Variants in LIN9 observed in about 807,000 individuals in gnomAD.
LIN9 encodes the protein lin-9 DREAM MuvB core complex component.
Under a neutral mutation model 78.0 loss-of-function variants are expected in LIN9, and 18 were observed. The ratio of observed to expected loss-of-function variants is 0.23; its 90% CI spans 0.16 to 0.34. The LOEUF is 0.34. Among genes scored for constraint, LIN9 ranks in the 10% least tolerant of loss-of-function variants. LIN9 has a pLI of 1.00. For missense variants in LIN9, 451 were observed against 644.1 expected, an observed-to-expected ratio of 0.70 and a Z score of 3.25; for synonymous variants, 192 against 215.2, an observed-to-expected ratio of 0.89 and a Z score of 0.94.
At chr1:226,251,364 A>G (rs1658825850) in intron 10 of LIN9, among the ~76,000 whole-genome samples, 1 of 152,002 alleles carries the variant, frequency 6.6e-6, no homozygotes, top group Non-Finnish European at 1.5e-5. Context: ...AGTAGCTGGG[A>G]TTACAGGCAC....
intron 6 of LIN9, among the ~76,000 whole-genome samples, chr1:226,284,000 CTCTTA>C (rs1017406141): frequency 7.2e-5 from 11 of 151,986 alleles, no homozygotes; most frequent in African/African-American, 2.4e-4. Context: ...AAGTAAAACT[CTCTTA>C]TGTTTTCCTC....
chr1:226,254,836 G>A (rs112622722), intron 10 of LIN9, among the ~76,000 whole-genome samples: 4,434 of 151,068 alleles, frequency 0.029, 203 homozygotes, highest in African/African-American at 0.1. Flanking sequence ...GCGTGAACCC[G>A]GAAGGCGGAG....
At chr1:226,242,947 A>G (rs1268308571) in intron 11 of LIN9, among the ~76,000 whole-genome samples, 1 of 152,242 alleles carries the variant, frequency 6.6e-6, no homozygotes, top group Non-Finnish European at 1.5e-5. Flanking sequence ...ATGTAAGGAT[A>G]CAGTATATAA....
chr1:226,268,066 C>T lies in LIN9; in HGVS notation c.707G>A (p.Gly236Asp). ...AGCATCTATTTGTCCAGTGAACAAACCATCATGAACACCACGTAATCGTGC... is the reference window on the plus strand; with the variant it reads ...AGCATCTATTTGTCCAGTGAACAAATCATCATGAACACCACGTAATCGTGC... ...VTARLRGVHD[G>D]LFTGQIDAVD... Residue 236 changes from glycine to aspartate, a missense_variant, in exon 8 of 15, where the codon GGT becomes GAT. Physicochemically the swap from Gly to Asp is moderately conservative, Grantham distance 94. Transcript: ENST00000681046. The T allele has an allele frequency of 6.2e-7, 1 of 1,613,818 alleles. No individual in the cohort carries two copies. Among genetic ancestry groups the T allele is most frequent in the Admixed American group, 1.7e-5 (1 of 59,968 alleles).
rs201608238 is a variant in LIN9, at chr1:226,291,544, CTA to C, written c.265-3749_265-3748del. Among the ~76,000 whole-genome samples, 446 of 152,076 alleles carry C rather than the reference CTA, an allele frequency of 2.9e-3. 3 individuals carry two copies. The highest frequency in any genetic ancestry group is 0.01 in the African/African-American group (431 of 41,514). ...AAAAGGTTTCATAAGGATAATCAAA[CTA>C]ATTATAGTGGCTGCCACTGTATGAG... On this transcript the variant is annotated intron_variant, in intron 4 of 14. Transcript: ENST00000681046.
intron 11 of LIN9, among the ~76,000 whole-genome samples, chr1:226,243,695 CAAAA>C (rs532381607): frequency 8.5e-5 from 3 of 35,404 alleles, no homozygotes; most frequent in Non-Finnish European, 1.8e-4. Context: ...GACTCCGTCT[CAAAA>C]AAAAAAAAAA....
chr1:226,282,380 T>C (rs1248623539), intron 6 of LIN9, among the ~76,000 whole-genome samples: 1 of 152,220 alleles, frequency 6.6e-6, no homozygotes, highest in Non-Finnish European at 1.5e-5. Flanking sequence ...AATGGAAATT[T>C]GTAAATTTTA....
At chr1:226,290,677 A>G (rs1661722386) in intron 4 of LIN9, among the ~76,000 whole-genome samples, 1 of 151,970 alleles carries the variant, frequency 6.6e-6, no homozygotes, top group Non-Finnish European at 1.5e-5. Context: ...AAAAATCTAG[A>G]TGGTTGGTTC....
chr1:226,244,226 T>C (rs1184992828), intron 11 of LIN9, among the ~76,000 whole-genome samples: 1 of 146,046 alleles, frequency 6.8e-6, no homozygotes, highest in Non-Finnish European at 1.5e-5. Context: ...AGGCCAGGAG[T>C]TAAAGACTAG....
chr1:226,266,619 A>G (rs1659930367), intron 8 of LIN9, among the ~76,000 whole-genome samples: 1 of 152,056 alleles, frequency 6.6e-6, no homozygotes, highest in Non-Finnish European at 1.5e-5. Flanking sequence ...AGTTCAGAGA[A>G]TCAAAGATTA....
At chr1:226,266,467 T>A in intron 8 of LIN9, 135 bp from the exon 9 acceptor site, 1 of 547,708 alleles carries the variant, frequency 1.8e-6, no homozygotes, top group Non-Finnish European at 2.8e-6. Context: ...CTTATATATT[T>A]AATTATTTAT....
intron 12 of LIN9, among the ~76,000 whole-genome samples, chr1:226,236,930 T>A (rs866828815): frequency 2.0e-5 from 3 of 152,236 alleles, no homozygotes; most frequent in Non-Finnish European, 4.4e-5. Flanking sequence ...TTTCTGGCTA[T>A]AAGGAACAGT....
chr1:226,277,490 G>GA (rs145346465), intron 7 of LIN9, among the ~76,000 whole-genome samples: 10 of 152,272 alleles, frequency 6.6e-5, no homozygotes, highest in Non-Finnish European at 1.3e-4. Flanking sequence ...TACACCTTCA[G>GA]AATTTTGTCC....
intron 11 of LIN9, among the ~76,000 whole-genome samples, chr1:226,245,049 T>C (rs1045978292): frequency 3.3e-5 from 5 of 152,150 alleles, no homozygotes; most frequent in Admixed American, 6.5e-5. Flanking sequence ...TAAATCTTGA[T>C]AGATATTGCC....
intron 10 of LIN9, among the ~76,000 whole-genome samples, chr1:226,261,726 AG>A (rs1357205191): frequency 2.0e-5 from 3 of 152,232 alleles, no homozygotes; most frequent in African/African-American, 7.2e-5. Flanking sequence ...ATTCAATACA[AG>A]TCAAAATCCC....
chr1:226,295,484 AT>A lies in LIN9; in HGVS notation c.264+357del, dbSNP rs1011656605. The stretch of plus-strand genomic sequence containing the variant: ...TATATAAATAAACATATATATATAT[AT>A]TTTTTTCCTCTCTTGGATAAAGGAA... On this transcript the variant is annotated intron_variant, in intron 4 of 14. Coordinates refer to ENST00000681046, the MANE Select transcript of LIN9 (RefSeq NM_001366245.2). Among the ~76,000 whole-genome samples the A allele has an allele frequency of 4.0e-5, 6 of 150,756 alleles. No individual in the cohort carries two copies. In the South Asian group the frequency reaches 1.0e-3, roughly 26 times the overall value.
At chr1:226,304,100 T>C (rs983361269) in intron 1 of LIN9, among the ~76,000 whole-genome samples, 1 of 152,242 alleles carries the variant, frequency 6.6e-6, no homozygotes, top group East Asian at 1.9e-4. Context: ...TAAAAGTGCA[T>C]AGAACAATGC....
Position 226,277,824 on chromosome 1 carries a change from A to C in LIN9, c.633T>G (p.Asp211Glu). The change falls in exon 7 of 15, where the codon GAT (aspartate) becomes GAG (glutamate). Residue 211 changes from aspartate to glutamate, a missense_variant. Transcript: ENST00000681046. ...GAGGCAAAGGAATTTCATCTGGGAG[A>C]TCTTTGAATTGTGAAACATCTGCAA... ...RKVADVSQFK[D>E]LPDEIPLPLV... 1.2e-6 allele frequency: 2 copies of C among 1,613,846 alleles called. No homozygotes were observed. Among genetic ancestry groups the C allele is most frequent in the Middle Eastern group, 1.7e-4 (1 of 6,054 alleles).
At chr1:226,266,362 A>C in intron 8 of LIN9, 30 bp from the exon 9 acceptor site, 1 of 1,567,928 alleles carries the variant, frequency 6.4e-7, no homozygotes, top group South Asian at 1.2e-5. Flanking sequence ...CACAAAACTT[A>C]AAGAAATTTA....
Sources: allele counts gnomAD v4.1 joint callset (sites outside exome capture counted in the v4.1 genomes callset), GRCh38; gene constraint gnomAD v4.1.1; transcripts MANE v1.5; gene names NCBI Gene and HGNC (gene_info 2026-07-23, HGNC 2026-07-21).